The following UNC5C variants were observed in gnomAD, a reference collection of about 807,000 sequenced individuals.
UNC5C encodes netrin receptor UNC5C.
Under a neutral mutation model 99.8 loss-of-function variants are expected in UNC5C, and 47 were observed. The ratio of observed to expected loss-of-function variants is 0.47; its 90% CI spans 0.37 to 0.60. The LOEUF is 0.60. Ranked by LOEUF, UNC5C falls within the 20% of genes least tolerant of loss-of-function variation. The pLI is 0.00. For synonymous variants in UNC5C, 487 were observed against 452.2 expected (o/e 1.08, Z -0.98); for missense variants, 1,062 against 1,165.9 (o/e 0.91, Z 1.30).
At chr4:95,214,153 T>G (rs1738168187) in intron 10 of UNC5C, among the ~76,000 whole-genome samples, 1 of 152,224 alleles carries the variant, frequency 6.6e-6, no homozygotes, top group South Asian at 2.1e-4. Context: ...TAAAGCACAT[T>G]CTTGCCATTG....
intron 2 of UNC5C, among the ~76,000 whole-genome samples, chr4:95,308,273 CAT>C (rs973757574): frequency 1.3e-5 from 2 of 152,044 alleles, no homozygotes; most frequent in African/African-American, 4.8e-5. Flanking sequence ...ACAAAATCAA[CAT>C]ATAAATATCA....
chr4:95,456,161 A>G (rs1260296137), intron 1 of UNC5C, among the ~76,000 whole-genome samples: 2 of 152,132 alleles, frequency 1.3e-5, no homozygotes, highest in African/African-American at 4.8e-5. Context: ...GGTAATAATT[A>G]TAAGGCAATG....
At chr4:95,442,742 C>T (rs562252536) in intron 1 of UNC5C, among the ~76,000 whole-genome samples, 1 of 151,958 alleles carries the variant, frequency 6.6e-6, no homozygotes, top group Non-Finnish European at 1.5e-5. Context: ...TAATAATGCG[C>T]CAAATAATTA....
chr4:95,439,989 T>A (rs1220415941), intron 1 of UNC5C, among the ~76,000 whole-genome samples: 1 of 152,160 alleles, frequency 6.6e-6, no homozygotes, highest in East Asian at 1.9e-4. Context: ...ATCATGCTGT[T>A]TATTTTCCCT....
At chr4:95,316,994 T>A (rs1742500784) in intron 2 of UNC5C, among the ~76,000 whole-genome samples, 1 of 144,060 alleles carries the variant, frequency 6.9e-6, no homozygotes, top group African/African-American at 2.6e-5. Context: ...AAAGAACACA[T>A]ATGCCAAAAT....
chr4:95,216,609 A>C lies in UNC5C; in HGVS notation c.1646-398T>G, dbSNP rs540349459. 8.2e-4 allele frequency among the ~76,000 whole-genome samples: 125 copies of C among 152,306 alleles called. No homozygotes were observed. In the South Asian group the frequency reaches 0.014, roughly 17 times the overall value. On this transcript the variant is annotated intron_variant, in intron 9 of 15. Transcript: ENST00000453304. ...AATGCCAACTTCAACATAAAAAAAA[A>C]AACAACATGTATTTTTTAAATATCC...
chr4:95,468,138 T>TG (rs1246591554), intron 1 of UNC5C, among the ~76,000 whole-genome samples: 3 of 151,530 alleles, frequency 2.0e-5, no homozygotes, highest in Non-Finnish European at 4.4e-5. Flanking sequence ...GTTTTTTTTT[T>TG]TTTTGTTTTT....
At chr4:95,360,146 C>T (rs993066129) in intron 1 of UNC5C, among the ~76,000 whole-genome samples, 1 of 152,096 alleles carries the variant, frequency 6.6e-6, no homozygotes. Flanking sequence ...GAGAAATATA[C>T]AGATGTTACC....
At chr4:95,208,655 A>T (rs771005365) in intron 10 of UNC5C, among the ~76,000 whole-genome samples, 2 of 152,192 alleles carry the variant, frequency 1.3e-5, no homozygotes, top group African/African-American at 2.4e-5. Context: ...TTTCAAGGAC[A>T]CCATTTGGAA....
At chr4:95,481,884 T>A (rs2149478128) in intron 1 of UNC5C, among the ~76,000 whole-genome samples, 1 of 152,046 alleles carries the variant, frequency 6.6e-6, no homozygotes. Context: ...ACTTCAATGT[T>A]AAACCTAAAA....
chr4:95,319,294 A>T (rs903726770), intron 2 of UNC5C, among the ~76,000 whole-genome samples: 1 of 152,170 alleles, frequency 6.6e-6, no homozygotes, highest in Admixed American at 6.5e-5. Context: ...CCCCCCTGGT[A>T]ACTGTCAAGT....
intron 1 of UNC5C, among the ~76,000 whole-genome samples, chr4:95,340,950 T>G (rs552886663): frequency 2.6e-5 from 4 of 152,282 alleles, no homozygotes; most frequent in African/African-American, 9.6e-5. Flanking sequence ...TGCAATGTGA[T>G]GTTTTTTGCA....
At chr4:95,308,477 G>A (rs562044048) in intron 2 of UNC5C, among the ~76,000 whole-genome samples, 1 of 152,020 alleles carries the variant, frequency 6.6e-6, no homozygotes, top group Admixed American at 6.6e-5. Flanking sequence ...GGAAGGCCAG[G>A]TGCGGTGGCT....
At chr4:95,256,268 C>T (rs1054021055) in intron 4 of UNC5C, among the ~76,000 whole-genome samples, 4 of 152,142 alleles carry the variant, frequency 2.6e-5, no homozygotes, top group East Asian at 1.9e-4. Context: ...TCTCCAGACT[C>T]GTATATCCAA....
At chr4:95,356,480 A>G (rs2149432391) in intron 1 of UNC5C, among the ~76,000 whole-genome samples, 1 of 152,248 alleles carries the variant, frequency 6.6e-6, no homozygotes, top group South Asian at 2.1e-4. Context: ...AGGCCTTGGT[A>G]TTGGTTCCAG....
intron 7 of UNC5C, among the ~76,000 whole-genome samples, chr4:95,231,459 T>C (rs1434865558): frequency 6.6e-6 from 1 of 152,124 alleles, no homozygotes; most frequent in Non-Finnish European, 1.5e-5. Flanking sequence ...TCTTGGTTAG[T>C]TTTAGTAATA....
At chr4:95,461,059 G>A (rs1747584923) in intron 1 of UNC5C, among the ~76,000 whole-genome samples, 1 of 152,102 alleles carries the variant, frequency 6.6e-6, no homozygotes, top group Non-Finnish European at 1.5e-5. Context: ...TTTTATTATT[G>A]TAGAACATGT....
intron 1 of UNC5C, among the ~76,000 whole-genome samples, chr4:95,346,903 AAGTCCTAGCTAGAGC>A (rs1743792225): frequency 6.6e-6 from 1 of 152,050 alleles, no homozygotes; most frequent in Non-Finnish European, 1.5e-5. Flanking sequence ...ATAGTACTAG[AAGTCCTAGCTAGAGC>A]AATCAGACAA....
At chr4:95,444,530 A>T (rs1747040122) in intron 1 of UNC5C, among the ~76,000 whole-genome samples, 1 of 151,848 alleles carries the variant, frequency 6.6e-6, no homozygotes, top group Non-Finnish European at 1.5e-5. Flanking sequence ...ACGGGGTTTC[A>T]CCGTGTTAGC....
Sources: gnomAD v4.1 joint callset for allele counts (sites outside exome capture counted in the v4.1 genomes callset) on GRCh38, gnomAD v4.1.1 for gene constraint, MANE v1.5 for transcripts, NCBI Gene and HGNC (gene_info 2026-07-23, HGNC 2026-07-21) for gene names.